MAP3K1: variants seen among roughly 807,000 people sequenced by gnomAD.
The protein encoded by MAP3K1 is MAP/ERK kinase kinase 1.
A neutral mutation model predicts 144.2 loss-of-function variants in MAP3K1; 36 were observed. That is an observed-to-expected ratio of 0.25 (90% confidence interval 0.19 to 0.33). The LOEUF (loss-of-function observed/expected upper bound fraction) is 0.33. Ranked by LOEUF, MAP3K1 falls within the 10% of genes least tolerant of loss-of-function variation. MAP3K1 has a pLI of 1.00. For synonymous variants in MAP3K1, 718 were observed against 688.7 expected (o/e 1.04, Z -0.67); for missense variants, 1,650 against 1,881.9 (o/e 0.88, Z 2.28).
chr5:56,869,954 C>G (rs1284029847), intron 6 of MAP3K1, among the ~76,000 whole-genome samples: 1 of 152,146 alleles, frequency 6.6e-6, no homozygotes, highest in Non-Finnish European at 1.5e-5. Context: ...GTAAGTGTGC[C>G]TTCATCACAG....
chr5:56,824,676 A>G (rs1470968735), intron 1 of MAP3K1, among the ~76,000 whole-genome samples: 1 of 152,274 alleles, frequency 6.6e-6, no homozygotes, highest in African/African-American at 2.4e-5. Context: ...AGATAGTTAT[A>G]GAAAGTGTCT....
At chr5:56,824,660 TA>T (rs1746255007) in intron 1 of MAP3K1, among the ~76,000 whole-genome samples, 1 of 152,240 alleles carries the variant, frequency 6.6e-6, no homozygotes, top group Non-Finnish European at 1.5e-5. Context: ...GGAAAATTAC[TA>T]TCCAAGATAG....
intron 18 of MAP3K1, 146 bp from the exon 19 acceptor site, chr5:56,888,080 G>T: frequency 1.5e-6 from 1 of 684,202 alleles, no homozygotes; most frequent in East Asian, 2.7e-5. Flanking sequence ...GCTCATTAAT[G>T]AAATAAATTA....
chr5:56,842,768 C>CAT (rs1361082351), intron 1 of MAP3K1, among the ~76,000 whole-genome samples: 1 of 152,082 alleles, frequency 6.6e-6, no homozygotes, highest in Admixed American at 6.5e-5. Context: ...AAGTACTTTA[C>CAT]ATATATATTA....
In MAP3K1 at chr5:56,895,290, G is replaced by A. The variant is rs1748670164; in HGVS notation, c.*1610G>A. 1 of 231,804 alleles carries A rather than the reference G, an allele frequency of 4.3e-6. No individual in the cohort carries two copies. Among genetic ancestry groups the A allele is most frequent in the Non-Finnish European group, 8.5e-6 (1 of 117,308 alleles). The allele number at this position is 231,804 out of a possible 1,614,324, so 14.4% of individuals were successfully genotyped here. A position where few individuals can be genotyped will look rare whatever the true frequency, so the allele number is the denominator to read the frequency against. On this transcript the variant is annotated 3_prime_UTR_variant, in exon 20 of 20. Transcript: ENST00000399503. ...TTGTTTTGGAAGATTGGCGATATTTGAAGAGTTAAAAATAGTACAGAAATG... is the reference window on the plus strand; with the variant it reads ...TTGTTTTGGAAGATTGGCGATATTTAAAGAGTTAAAAATAGTACAGAAATG...
At chr5:56,872,415 T>C (rs1467706057) in intron 7 of MAP3K1, among the ~76,000 whole-genome samples, 1 of 152,170 alleles carries the variant, frequency 6.6e-6, no homozygotes, top group Non-Finnish European at 1.5e-5. Context: ...CAGGGCAGAA[T>C]GTTTTGAAAA....
rs1013058945 is a variant in MAP3K1 at position 56,894,033 on chromosome 5, A to G, written c.*353A>G. 1.5e-5 allele frequency: 6 copies of G among 387,214 alleles called. No individual in the cohort carries two copies. In the East Asian group the frequency reaches 2.5e-4, roughly 16 times the overall value. 24.0% of individuals were successfully genotyped at this position (387,214 alleles called of 1,614,324 possible). A position where few individuals can be genotyped will look rare whatever the true frequency, so the allele number is the denominator to read the frequency against. On this transcript the variant is annotated 3_prime_UTR_variant, in exon 20 of 20. Coordinates refer to ENST00000399503, the MANE Select transcript of MAP3K1 (RefSeq NM_005921.2). ...GCTGAGGGGCTCAGGATCTATTTTAATATTTCAATTATTCTTCCATTTCAT... is the reference window on the plus strand; with the variant it reads ...GCTGAGGGGCTCAGGATCTATTTTAGTATTTCAATTATTCTTCCATTTCAT...
At chr5:56,889,966 T>C (rs1396430990) in intron 19 of MAP3K1, among the ~76,000 whole-genome samples, 3 of 152,186 alleles carry the variant, frequency 2.0e-5, no homozygotes, top group Non-Finnish European at 4.4e-5. Flanking sequence ...ACGTCCCATG[T>C]CCGTTCTCTA....
At chr5:56,879,993 A>G (rs1388023132) in intron 11 of MAP3K1, among the ~76,000 whole-genome samples, 1 of 152,326 alleles carries the variant, frequency 6.6e-6, no homozygotes, top group African/African-American at 2.4e-5. Context: ...CGAATTTCTC[A>G]TATCATGAAG....
chr5:56,872,078 C>G (rs2111911806), intron 7 of MAP3K1, 47 bp downstream of exon 7: 1 of 1,611,158 alleles, frequency 6.2e-7, no homozygotes, highest in Non-Finnish European at 8.5e-7. Flanking sequence ...CAGTTGCTCT[C>G]TGAGCTAACT....
chr5:56,879,710 G>T (rs1473574556), intron 11 of MAP3K1, among the ~76,000 whole-genome samples: 1 of 152,144 alleles, frequency 6.6e-6, no homozygotes, highest in East Asian at 1.9e-4. Flanking sequence ...GCTTTTTTCA[G>T]ACCAATGGTT....
intron 6 of MAP3K1, among the ~76,000 whole-genome samples, chr5:56,871,435 A>G (rs1024276444): frequency 2.0e-5 from 3 of 152,184 alleles, no homozygotes; most frequent in Non-Finnish European, 4.4e-5. Flanking sequence ...GTGTTCCTAG[A>G]TTCATTTCTG....
At chr5:56,857,269 G>A (rs190145349) in intron 2 of MAP3K1, among the ~76,000 whole-genome samples, 30 of 152,164 alleles carry the variant, frequency 2.0e-4, no homozygotes, top group African/African-American at 7.2e-4. Flanking sequence ...ATGTTTAATA[G>A]ACCTATGGGG....
intron 1 of MAP3K1, among the ~76,000 whole-genome samples, chr5:56,850,120 A>G (rs1454703197): frequency 6.6e-6 from 1 of 152,228 alleles, no homozygotes; most frequent in African/African-American, 2.4e-5. Flanking sequence ...TTTACCTGGA[A>G]CCTTACACTT....
chr5:56,872,496 G>C, intron 7 of MAP3K1, 145 bp from the exon 8 acceptor site: 1 of 650,286 alleles, frequency 1.5e-6, no homozygotes, highest in Admixed American at 2.8e-5. Context: ...TTAACCTGCT[G>C]TGTTTACTTG....
In MAP3K1 at chr5:56,895,373, T is replaced by A. The variant is rs832546; in HGVS notation, c.*1693T>A. The A allele has an allele frequency of 0.51, 116,039 of 229,310 alleles. 33,496 individuals are homozygous for A. Among genetic ancestry groups the A allele is most frequent in the Non-Finnish European group, 0.64 (74,599 of 115,790 alleles). The allele number at this position is 229,310 out of a possible 1,614,324, so 14.2% of individuals were successfully genotyped here. A position where few individuals can be genotyped will look rare whatever the true frequency, so the allele number is the denominator to read the frequency against. Reference sequence around the variant, plus strand: ...GACTTTCTTTTTTATTTTGTTTTTTTTTTTTTTTGACTACTTAGAATTTTC... The same window carrying A: ...GACTTTCTTTTTTATTTTGTTTTTTATTTTTTTTGACTACTTAGAATTTTC... On this transcript the variant is annotated 3_prime_UTR_variant, in exon 20 of 20. Coordinates refer to ENST00000399503, the MANE Select transcript of MAP3K1 (RefSeq NM_005921.2).
intron 1 of MAP3K1, among the ~76,000 whole-genome samples, chr5:56,821,260 A>G (rs1746145430): frequency 6.6e-6 from 1 of 152,148 alleles, no homozygotes; most frequent in South Asian, 2.1e-4. Context: ...TTTGATGCAG[A>G]TGTTAATTTG....
chr5:56,816,433 G>T (rs1183885558), intron 1 of MAP3K1, among the ~76,000 whole-genome samples: 1 of 152,030 alleles, frequency 6.6e-6, no homozygotes, highest in East Asian at 1.9e-4. Flanking sequence ...GCCCCCGGAC[G>T]GGTGTCCCCG....
intron 10 of MAP3K1, among the ~76,000 whole-genome samples, chr5:56,878,536 T>G (rs1748108928): frequency 6.6e-6 from 1 of 152,118 alleles, no homozygotes. Context: ...AAGAAGAGCT[T>G]CTCTGTTTAT....
Sources: allele counts gnomAD v4.1 joint callset (sites outside exome capture counted in the v4.1 genomes callset), GRCh38; gene constraint gnomAD v4.1.1; transcripts MANE v1.5; gene names NCBI Gene and HGNC (gene_info 2026-07-23, HGNC 2026-07-21).